The following ZNF723 variants were observed in gnomAD, a reference collection of about 807,000 sequenced individuals.
ZNF723 encodes zinc finger protein 723, also known as zinc finger protein 723, pseudogene.
In ZNF723, 5 loss-of-function variants were observed where a neutral mutation model predicts 9.4. The ratio of observed to expected loss-of-function variants is 0.53; its 90% confidence interval spans 0.28 to 1.12. ZNF723 has a LOEUF of 1.12. Among genes scored for constraint, ZNF723 ranks in the 50% most tolerant of loss-of-function variants. The pLI is 0.10. For synonymous variants in ZNF723, 158 were observed against 168.8 expected, an observed-to-expected ratio of 0.94 and a Z score of 0.49; for missense variants, 450 against 501.5, an observed-to-expected ratio of 0.90 and a Z score of 0.98.
intron 1 of ZNF723, among the ~76,000 whole-genome samples, chr19:22,844,887 G>T (rs1295978865): frequency 2.0e-5 from 3 of 152,148 alleles, no homozygotes; most frequent in African/African-American, 4.8e-5. Flanking sequence ...GGAGGCCGAG[G>T]CGGGTGGATC....
rs1967222061 is a variant in ZNF723, at chr19:22,840,085, A to G, written c.3+7703A>G. On this transcript the variant is annotated intron_variant, in intron 1 of 3. Transcript: ENST00000600766. ...TGTAGGTTGTCTGTTTACTCTGTTG[A>G]TAGTTTCCTTTGCTGTGAAGAAGCT... Among the ~76,000 whole-genome samples, 4 of 152,172 alleles carry G rather than the reference A, an allele frequency of 2.6e-5. 1 individual carries two copies. In the South Asian group the frequency reaches 8.3e-4, roughly 32 times the overall value.
At chr19:22,830,276 A>G (rs1420697584), upstream of ZNF723, among the ~76,000 whole-genome samples, 5 of 152,084 alleles carry the variant, frequency 3.3e-5, no homozygotes, top group Non-Finnish European at 7.4e-5. Flanking sequence ...GGCTCACACA[A>G]TCCTCCTGGT....
intron 1 of ZNF723, among the ~76,000 whole-genome samples, chr19:22,844,018 G>A (rs1223228983): frequency 6.6e-6 from 1 of 152,086 alleles, no homozygotes; most frequent in Non-Finnish European, 1.5e-5. Context: ...ACTCTATTTG[G>A]GGTCTTGTTT....
At chr19:22,842,937 G>T (rs1967267561) in intron 1 of ZNF723, among the ~76,000 whole-genome samples, 1 of 152,330 alleles carries the variant, frequency 6.6e-6, no homozygotes, top group Admixed American at 6.5e-5. Flanking sequence ...CAGCTTCTCA[G>T]ATCTTGTCCA....
Position 22,858,305 on chromosome 19 carries a change from A to T in ZNF723, c.1414A>T (p.Lys472Ter). Residue 472 changes from lysine to a stop codon, truncating the protein, a stop_gained, in exon 4 of 4, where the codon AAG (lysine) becomes TAG (stop). Transcript: ENST00000600766. LOFTEE classifies it low-confidence loss of function (END_TRUNC). The stretch of plus-strand genomic sequence containing the variant: ...CCAATATTCAACCCTTAATAAACAT[A>T]AGATAATTCATGCTAGAGAGAAGCC... ...FNQYSTLNKH[K>*]IIHAREKPYK... 8.4e-7 allele frequency: 1 copy of T among 1,188,502 alleles called. No individual in the cohort carries two copies. 73.6% of individuals were successfully genotyped at this position (1,188,502 alleles called of 1,614,324 possible).
At chr19:22,832,582 C>G (rs537552253) in intron 1 of ZNF723, among the ~76,000 whole-genome samples, 200 bp downstream of exon 1, 1 of 152,170 alleles carries the variant, frequency 6.6e-6, no homozygotes, top group South Asian at 2.1e-4. Flanking sequence ...CTTGTCTCTT[C>G]CCTGGCAGTG....
At chr19:22,812,326 G>A in the ZNF723 span, among the ~76,000 whole-genome samples, 1 of 152,150 alleles carries the variant, frequency 6.6e-6, no homozygotes, top group African/African-American at 2.4e-5. Context: ...TCACCCTCAC[G>A]CATGAACAGA....
chr19:22,818,463 C>A, the ZNF723 span, among the ~76,000 whole-genome samples: 1 of 152,142 alleles, frequency 6.6e-6, no homozygotes, highest in African/African-American at 2.4e-5. Flanking sequence ...ACCTTAGAGG[C>A]TGCAACTTCA....
intron 3 of ZNF723, among the ~76,000 whole-genome samples, chr19:22,851,464 G>A (rs35332070): frequency 0.2 from 30,394 of 151,944 alleles, 3,551 homozygotes; most frequent in African/African-American, 0.32. Flanking sequence ...GAGGCACCGC[G>A]CCCAGCCTAT....
upstream of ZNF723, among the ~76,000 whole-genome samples, chr19:22,827,556 T>G (rs1967050569): frequency 6.6e-6 from 1 of 152,104 alleles, no homozygotes. Flanking sequence ...CAAGTGATTC[T>G]CCTGCCTCAG....
At chr19:22,826,447 C>G in the ZNF723 span, among the ~76,000 whole-genome samples, 385 of 152,320 alleles carry the variant, frequency 2.5e-3, 1 homozygote, top group African/African-American at 8.8e-3. Context: ...GATTACATCA[C>G]TTACTCATAT....
At chr19:22,853,218 A>G (rs1967422249) in intron 3 of ZNF723, among the ~76,000 whole-genome samples, 1 of 152,020 alleles carries the variant, frequency 6.6e-6, no homozygotes. Context: ...TTAATTCTGT[A>G]GCTCGTAATG....
At chr19:22,830,177 A>G (rs976426501), upstream of ZNF723, among the ~76,000 whole-genome samples, 1 of 151,794 alleles carries the variant, frequency 6.6e-6, no homozygotes, top group Admixed American at 6.6e-5. Flanking sequence ...TGCTCCTGCA[A>G]TTTTTTTTGA....
the ZNF723 span, among the ~76,000 whole-genome samples, chr19:22,819,540 A>T: frequency 6.6e-6 from 1 of 152,200 alleles, no homozygotes; most frequent in South Asian, 2.1e-4. Context: ...TTGGCCCAGC[A>T]CCTATGTGAT....
At chr19:22,826,769 A>C in the ZNF723 span, among the ~76,000 whole-genome samples, 842 of 152,328 alleles carry the variant, frequency 5.5e-3, 9 homozygotes, top group African/African-American at 0.017. Context: ...GGCTCTACGA[A>C]CAACAGAAAT....
chr19:22,845,156 C>G (rs1306990300), intron 1 of ZNF723, among the ~76,000 whole-genome samples: 1 of 152,050 alleles, frequency 6.6e-6, no homozygotes, highest in African/African-American at 2.4e-5. Context: ...CCTTTGAAAA[C>G]CTGCAGAATC....
the ZNF723 span, among the ~76,000 whole-genome samples, chr19:22,823,251 TGA>T: frequency 2.0e-4 from 30 of 152,116 alleles, no homozygotes; most frequent in African/African-American, 7.2e-4. Context: ...AGTGCACAGG[TGA>T]GATAGTGACT....
At chr19:22,835,073 T>TTTTTTTG (rs1967149429) in intron 1 of ZNF723, among the ~76,000 whole-genome samples, 1 of 151,008 alleles carries the variant, frequency 6.6e-6, no homozygotes, top group South Asian at 2.1e-4. Context: ...TTGGTTGTTT[T>TTTTTTTG]TTTTTTTTTG....
At chr19:22,830,611 T>A (rs1967083763), upstream of ZNF723, among the ~76,000 whole-genome samples, 1 of 152,168 alleles carries the variant, frequency 6.6e-6, no homozygotes, top group Non-Finnish European at 1.5e-5. Context: ...GGGGCAGCAT[T>A]GATCAACAAA....
Sources: gnomAD v4.1 joint callset for allele counts (sites outside exome capture counted in the v4.1 genomes callset) on GRCh38, gnomAD v4.1.1 for gene constraint, MANE v1.5 for transcripts, NCBI Gene and HGNC (gene_info 2026-07-23, HGNC 2026-07-21) for gene names.